The following SSX5 variants were observed in gnomAD, a reference collection of about 807,000 sequenced individuals.
SSX5 encodes SSX family member 5.
SSX5 carries 14 observed loss-of-function variants against 14.9 expected under a neutral mutation model. That is an observed-to-expected ratio of 0.94 (90% CI 0.62 to 1.47). The LOEUF is 1.47. Ranked by LOEUF, SSX5 falls within the 40% of genes most tolerant of loss-of-function variation. SSX5 has a pLI of 0.00. For synonymous variants in SSX5, 70 were observed against 55.4 expected, an observed-to-expected ratio of 1.26 and a Z score of -1.17; for missense variants, 204 against 154.6, an observed-to-expected ratio of 1.32 and a Z score of -1.70.
chrX:48,188,219 GT>G (rs1362652386), intron 6 of SSX5, among the ~76,000 whole-genome samples: 2 of 111,510 alleles, frequency 1.8e-5, no homozygotes, highest in African/African-American at 6.5e-5. Flanking sequence ...TGTTTTTATT[GT>G]TTTTTAGTCT....
At chrX:48,187,758 A>C (rs1556924084) in intron 6 of SSX5, 27 bp from the exon 7 acceptor site, 2 of 1,195,842 alleles carry the variant, frequency 1.7e-6, no homozygotes, top group Non-Finnish European at 2.3e-6. Flanking sequence ...TTGGAAGATG[A>C]GGGTTGGGTA....
In SSX5 at chrX:48,194,027, T is replaced by A. The variant is rs1601922060; in HGVS notation, c.280+102A>T. ...TTTTTTTTTTTTCACTCAGCCCTGATGTGTATGAGGGAACAAATGCCTGAG... is the reference window on the plus strand; with the variant it reads ...TTTTTTTTTTTTCACTCAGCCCTGAAGTGTATGAGGGAACAAATGCCTGAG... On this transcript the variant is annotated intron_variant, in intron 4 of 7. Coordinates refer to ENST00000347757, the MANE Select transcript of SSX5 (RefSeq NM_175723.2). 9 of 1,028,401 alleles carry A rather than the reference T, an allele frequency of 8.8e-6. No homozygotes were observed. The East Asian group carries it at 2.8e-4, about 32-fold the overall frequency. The allele number at this position is 1,028,401 out of a possible 1,213,427, so 84.8% of individuals were successfully genotyped here. A position where few individuals can be genotyped will look rare whatever the true frequency, so the allele number is the denominator to read the frequency against.
At chrX:48,193,568 G>A (rs1293937330) in intron 4 of SSX5, among the ~76,000 whole-genome samples, 1 of 110,821 alleles carries the variant, frequency 9.0e-6, no homozygotes, top group African/African-American at 3.3e-5. Context: ...GGCCAACATG[G>A]TGAAACCCCA....
rs368441649 is a variant in SSX5 at position 48,186,799 on chromosome X, T to C, written c.*62A>G. 8.3e-7 allele frequency: 1 copy of C among 1,198,229 alleles called. No homozygotes were observed. The highest frequency in any genetic ancestry group is 2.2e-5 in the Admixed American group (1 of 46,032). On this transcript the variant is annotated 3_prime_UTR_variant, in exon 8 of 8. Coordinates refer to ENST00000347757, the MANE Select transcript of SSX5 (RefSeq NM_175723.2). ...CGAGGGATCCGCAGCCATGCCCATG[T>C]TCGTGAAAGGTCACCACGTTCTGCT... is the stretch of plus-strand genomic sequence containing the variant.
chrX:48,195,297 A>C lies in SSX5; in HGVS notation c.62T>G (p.Met21Arg), dbSNP rs781971787. The C allele has an allele frequency of 2.5e-6, 3 of 1,211,379 alleles. No individual in the cohort carries two copies. In the East Asian group the frequency reaches 8.9e-5, roughly 36 times the overall value. Residue 21 changes from methionine to arginine, a missense_variant, in exon 2 of 8, where the codon ATG (methionine) becomes AGG (arginine). Coordinates refer to ENST00000347757, the MANE Select transcript of SSX5 (RefSeq NM_175723.2). ...CCCTGCAGGTCACCTCACCTTTTGC[A>C]TCTTCTCTGGTATTTGAGAACCAAC... ...PRVGSQIPEK[M>R]QKAFDDIAKY... is the part of the protein sequence containing the mutation.
At chrX:48,187,391 C>T (rs1407936010) in intron 7 of SSX5, among the ~76,000 whole-genome samples, 9 of 110,373 alleles carry the variant, frequency 8.2e-5, no homozygotes, top group South Asian at 3.9e-4. Flanking sequence ...ACACGGGAGG[C>T]GGAGCTTGCA....
rs1470259887 is a variant in SSX5, at chrX:48,194,191, T to C, written c.218A>G (p.Asn73Ser). 9 of 1,208,146 alleles carry C rather than the reference T, an allele frequency of 7.4e-6. No homozygotes were observed. In the African/African-American group the frequency reaches 8.8e-5, roughly 12 times the overall value. Residue 73 changes from asparagine (N) to serine (S), a missense_variant, in exon 4 of 8, where the codon AAT becomes AGT. By Grantham distance (46) the Asn-to-Ser change is conservative. Transcript: ENST00000347757. ...FKATLPPFMR[N>S]KRVADFQGND... ...CCCCTGGAAGTCTGCGACCCGTTTA[T>C]TACGCATGAAAGGTGGGAGGGTGGC...
At chrX:48,187,545 C>A in intron 7 of SSX5, 82 bp downstream of exon 7, 2 of 1,062,750 alleles carry the variant, frequency 1.9e-6, no homozygotes, top group South Asian at 2.0e-5. Context: ...ATTTGGGGAA[C>A]AACTGATAAG....
At chrX:48,192,928 CT>C (rs1185923858) in intron 4 of SSX5, among the ~76,000 whole-genome samples, 1 of 111,964 alleles carries the variant, frequency 8.9e-6, no homozygotes, top group African/African-American at 3.2e-5. Flanking sequence ...CATATGTCCC[CT>C]TTATATCCCT....
intron 6 of SSX5, among the ~76,000 whole-genome samples, 185 bp downstream of exon 6, chrX:48,189,948 T>A (rs782688018): frequency 8.9e-6 from 1 of 111,964 alleles, no homozygotes; most frequent in East Asian, 2.8e-4. Flanking sequence ...GTGGTTTTTT[T>A]ATATGAATGA....
At position 48,194,180 on chromosome X, in the gene SSX5, C is replaced by A; in HGVS notation, c.229G>T (p.Ala77Ser). Residue 77 changes from alanine to serine, a missense_variant, in exon 4 of 8, where the codon GCA (alanine) becomes TCA (serine). Transcript: ENST00000347757. ...LPPFMRNKRV[A>S]DFQGNDFDND... is the part of the protein sequence containing the mutation. The stretch of plus-strand genomic sequence containing the variant: ...TCAAAATCATTCCCCTGGAAGTCTG[C>A]GACCCGTTTATTACGCATGAAAGGT... 8.3e-7 allele frequency: 1 copy of A among 1,210,231 alleles called. No individual in the cohort carries two copies. The highest frequency in any genetic ancestry group is 1.1e-6 in the Non-Finnish European group (1 of 894,964).
intron 6 of SSX5, among the ~76,000 whole-genome samples, chrX:48,188,561 C>T (rs1329641246): frequency 8.9e-6 from 1 of 112,402 alleles, no homozygotes; most frequent in Non-Finnish European, 1.9e-5. Flanking sequence ...ATGAGCTCTT[C>T]CCTGCCTCTC....
chrX:48,193,243 G>A (rs1338265700), intron 4 of SSX5, among the ~76,000 whole-genome samples: 2 of 94,483 alleles, frequency 2.1e-5, no homozygotes, highest in Non-Finnish European at 2.2e-5. Flanking sequence ...CGGATCTACA[G>A]TTGTAACATT....
rs782217441 is a variant in SSX5, at chrX:48,187,747, G to C, written c.467-16C>G. 1.7e-6 allele frequency: 2 copies of C among 1,200,977 alleles called. No individual in the cohort carries two copies. The highest frequency in any genetic ancestry group is 1.1e-6 in the Non-Finnish European group (1 of 887,249). ...CTTTTGGGTCCTATGATGGAGAAGAGTTGGAAGATGAGGGTTGGGTAGATT... is the reference window on the plus strand; with the variant it reads ...CTTTTGGGTCCTATGATGGAGAAGACTTGGAAGATGAGGGTTGGGTAGATT... On this transcript the variant is annotated splice_polypyrimidine_tract_variant and intron_variant, in intron 6 of 7. Transcript: ENST00000347757.
intron 4 of SSX5, 36 bp from the exon 5 acceptor site, chrX:48,192,317 T>C (rs2059423448): frequency 8.3e-7 from 1 of 1,207,537 alleles, no homozygotes; most frequent in Non-Finnish European, 1.1e-6. Flanking sequence ...TCTTTGTTGG[T>C]AAAGATTTCC....
chrX:48,187,805 C>A (rs782540150), intron 6 of SSX5, 74 bp from the exon 7 acceptor site: 7 of 1,122,266 alleles, frequency 6.2e-6, no homozygotes, highest in Non-Finnish European at 8.5e-6. Context: ...GAGTGTTAGG[C>A]TCTGTTTTCT....
intron 6 of SSX5, among the ~76,000 whole-genome samples, chrX:48,188,808 C>A (rs2059408737): frequency 8.9e-6 from 1 of 112,356 alleles, no homozygotes; most frequent in African/African-American, 3.2e-5. Flanking sequence ...AGGAAAAGTT[C>A]TTGAAGGAAG....
At chrX:48,188,395 A>G (rs2059407068) in intron 6 of SSX5, among the ~76,000 whole-genome samples, 1 of 112,220 alleles carries the variant, frequency 8.9e-6, no homozygotes, top group Non-Finnish European at 1.9e-5. Context: ...CAATCAATCC[A>G]TTTACACTCT....
chrX:48,195,454 G>T, intron 1 of SSX5, 76 bp from the exon 2 acceptor site: 1 of 979,219 alleles, frequency 1.0e-6, no homozygotes, highest in South Asian at 2.2e-5. Context: ...GTGAAGTCTG[G>T]CCACACTCAG....
Sources: allele counts gnomAD v4.1 joint callset (sites outside exome capture counted in the v4.1 genomes callset), GRCh38; gene constraint gnomAD v4.1.1; transcripts MANE v1.5; gene names NCBI Gene and HGNC (gene_info 2026-07-23, HGNC 2026-07-21).